AHSP: variants seen among roughly 807,000 people sequenced by gnomAD.
The protein encoded by AHSP is alpha-hemoglobin-stabilizing protein.
Under a neutral mutation model 2.7 loss-of-function variants are expected in AHSP, and 5 were observed. That is an observed-to-expected ratio of 1.86 (90% CI 0.97 to 3.92). The LOEUF is 3.92. Among genes scored for constraint, AHSP ranks in the 30% most tolerant of loss-of-function variants. The pLI is 0.00. For missense variants in AHSP, 134 were observed against 119.8 expected (o/e 1.12, Z -0.55); for synonymous variants, 50 against 48.4 (o/e 1.03, Z -0.14).
At position 31,528,698 on chromosome 16, in the gene AHSP, G is replaced by A; in HGVS notation, c.*7G>A. The stretch of plus-strand genomic sequence containing the variant: ...CCCACCGCCCTCCTCCTAGCTCAGG[G>A]ACCCAGCCCCTCCTCTCTGAGAAAC... On this transcript the variant is annotated 3_prime_UTR_variant, in exon 3 of 3. Coordinates refer to ENST00000302312, the MANE Select transcript of AHSP (RefSeq NM_016633.4). The A allele has an allele frequency of 6.2e-7, 1 of 1,609,204 alleles. No individual in the cohort carries two copies. Among genetic ancestry groups the A allele is most frequent in the Non-Finnish European group, 8.5e-7 (1 of 1,178,848 alleles).
Position 31,528,802 on chromosome 16 carries a change from G to T in AHSP, c.*111G>T, listed in dbSNP as rs2082745857. On this transcript the variant is annotated 3_prime_UTR_variant, in exon 3 of 3. Coordinates refer to ENST00000302312, the MANE Select transcript of AHSP (RefSeq NM_016633.4). ...ATAAAGACCAGTGCTGGTTTTGTTG[G>T]ACTTCCTGGCTTCTCTTTCATGGTC... 1 of 1,022,588 alleles carries T rather than the reference G, an allele frequency of 9.8e-7. No individual in the cohort carries two copies. The highest frequency in any genetic ancestry group is 1.4e-5 in the South Asian group (1 of 72,738). 63.3% of individuals were successfully genotyped at this position (1,022,588 alleles called of 1,614,324 possible).
chr16:31,528,453 C>A lies in AHSP; in HGVS notation c.76-5C>A, dbSNP rs202017934. 153 of 1,613,708 alleles carry A rather than the reference C, an allele frequency of 9.5e-5. No homozygotes were observed. The African/African-American group carries it at 1.7e-3, about 18-fold the overall frequency. ...CTTGCCAACTGCCTCTCCGCAACCC[C>A]CCAGGTCTTCAATGATCCTCTCGTC... On this transcript the variant is annotated splice_region_variant and splice_polypyrimidine_tract_variant and intron_variant, in intron 2 of 2. Coordinates refer to ENST00000302312, the MANE Select transcript of AHSP (RefSeq NM_016633.4).
rs2082745196 is a variant in AHSP, at chr16:31,528,697, G to C, written c.*6G>C. The C allele has an allele frequency of 6.2e-7, 1 of 1,609,500 alleles. No individual in the cohort carries two copies. The highest frequency in any genetic ancestry group is 1.1e-5 in the South Asian group (1 of 90,616). On this transcript the variant is annotated 3_prime_UTR_variant, in exon 3 of 3. Transcript: ENST00000302312. ...ACCCACCGCCCTCCTCCTAGCTCAG[G>C]GACCCAGCCCCTCCTCTCTGAGAAA...
At position 31,528,594 on chromosome 16, in the gene AHSP, G is replaced by A. The variant is rs775288853; in HGVS notation, c.212G>A (p.Arg71Gln). 3.7e-6 allele frequency: 6 copies of A among 1,613,934 alleles called. No homozygotes were observed. The highest frequency in any genetic ancestry group is 2.7e-5 in the African/African-American group (2 of 74,892). ...QERDKALQELRQELNTLANPF... is the reference protein window; with the variant it reads ...QERDKALQELQQELNTLANPF... ...CGAGACAAGGCTCTGCAGGAGCTTC[G>A]GCAAGAGCTGAACACTCTGGCCAAC... The change falls in exon 3 of 3, where the codon CGG (arginine) becomes CAG (glutamine). Residue 71 changes from arginine (R) to glutamine (Q), a missense_variant. Arg to Gln is a conservative substitution (Grantham distance 43). Transcript: ENST00000302312.
At chr16:31,528,266 C>G in intron 2 of AHSP, 52 bp downstream of exon 2, 1 of 1,546,732 alleles carries the variant, frequency 6.5e-7, no homozygotes, top group Non-Finnish European at 8.9e-7. Flanking sequence ...TGGGGGGTGC[C>G]GGGGAAGTGG....
intron 2 of AHSP, 86 bp from the exon 3 acceptor site, chr16:31,528,372 T>C (rs2082741499): frequency 7.4e-7 from 1 of 1,358,324 alleles, no homozygotes. Context: ...AATGTGAGAG[T>C]TGGTGCTGTG....
At position 31,527,963 on chromosome 16, in the gene AHSP, G is replaced by A. The variant is rs1292094140; in HGVS notation, c.-5+1G>A. 36 of 670,852 alleles carry A rather than the reference G, an allele frequency of 5.4e-5. No homozygotes were observed. Among genetic ancestry groups the A allele is most frequent in the Non-Finnish European group, 9.2e-5 (34 of 368,698 alleles). The allele number at this position is 670,852 out of a possible 1,614,324, so 41.6% of individuals were successfully genotyped here. ...CATATACAGCCTGTTAGACCTGAAG[G>A]TGAGCCCAACCTGGGAAAATCGTGA... On this transcript the variant is annotated splice_donor_variant, in intron 1 of 2. Coordinates refer to ENST00000302312, the MANE Select transcript of AHSP (RefSeq NM_016633.4). LOFTEE classifies it low-confidence loss of function (5UTR_SPLICE).
chr16:31,528,738 C>A lies in AHSP; in HGVS notation c.*47C>A. On this transcript the variant is annotated 3_prime_UTR_variant, in exon 3 of 3. Transcript: ENST00000302312. Reference sequence around the variant, plus strand: ...CTCTGAGAAACTCTGACCTTCATGTCCTTAGGCTGTGCTCCTGCCACTCTA... The same window carrying A: ...CTCTGAGAAACTCTGACCTTCATGTACTTAGGCTGTGCTCCTGCCACTCTA... 1 of 1,526,778 alleles carries A rather than the reference C, an allele frequency of 6.5e-7. No homozygotes were observed. Among genetic ancestry groups the A allele is most frequent in the Non-Finnish European group, 8.9e-7 (1 of 1,122,986 alleles). The allele number at this position is 1,526,778 out of a possible 1,614,324, so 94.6% of individuals were successfully genotyped here.
In AHSP at chr16:31,528,523, C is replaced by A. The variant is rs1289604524; in HGVS notation, c.141C>A (p.Phe47Leu). Residue 47 changes from phenylalanine (F) to leucine (L), a missense_variant, in exon 3 of 3, where the codon TTC (phenylalanine) becomes TTA (leucine). By Grantham distance (22) the Phe-to-Leu change is conservative. Coordinates refer to ENST00000302312, the MANE Select transcript of AHSP (RefSeq NM_016633.4). ...CTGTGGTGGAGGACTGGATGAACTT[C>A]TACATCAACTATTACAGGCAGCAGG... ...MVTVVEDWMN[F>L]YINYYRQQVT... 28 of 1,614,048 alleles carry A rather than the reference C, an allele frequency of 1.7e-5. No individual in the cohort carries two copies. Among genetic ancestry groups the A allele is most frequent in the Non-Finnish European group, 2.3e-5 (27 of 1,180,034 alleles).
rs2082742432 is a variant in AHSP, at chr16:31,528,489, A to G, written c.107A>G (p.Asp36Gly). The G allele has an allele frequency of 6.2e-7, 1 of 1,614,102 alleles. No homozygotes were observed. The highest frequency in any genetic ancestry group is 1.7e-5 in the Admixed American group (1 of 60,004). The change falls in exon 3 of 3, where the codon GAC becomes GGC. Residue 36 changes from aspartate (D) to glycine (G), a missense_variant. Asp to Gly is a moderately conservative substitution (Grantham distance 94). Coordinates refer to ENST00000302312, the MANE Select transcript of AHSP (RefSeq NM_016633.4). The part of the protein sequence containing the change: ...VFNDPLVSEE[D>G]MVTVVEDWMN... ...AATGATCCTCTCGTCTCTGAAGAAG[A>G]CATGGTGACTGTGGTGGAGGACTGG...
At position 31,528,468 on chromosome 16, in the gene AHSP, A is replaced by G; in HGVS notation, c.86A>G (p.Asp29Gly). ...TCCGCAACCCCCCAGGTCTTCAATG[A>G]TCCTCTCGTCTCTGAAGAAGACATG... ...SVLLNQQVFN[D>G]PLVSEEDMVT... is the part of the protein sequence containing the mutation. The change falls in exon 3 of 3, where the codon GAT becomes GGT. Residue 29 changes from aspartate to glycine, a missense_variant. Coordinates refer to ENST00000302312, the MANE Select transcript of AHSP (RefSeq NM_016633.4). 6.2e-7 allele frequency: 1 copy of G among 1,614,086 alleles called. No homozygotes were observed. The highest frequency in any genetic ancestry group is 8.5e-7 in the Non-Finnish European group (1 of 1,179,980).
chr16:31,528,496 G>A lies in AHSP; in HGVS notation c.114G>A (p.Val38=), dbSNP rs989128183. 20 of 1,614,088 alleles carry A rather than the reference G, an allele frequency of 1.2e-5. No individual in the cohort carries two copies. The highest frequency in any genetic ancestry group is 1.0e-4 in the Admixed American group (6 of 60,012). The part of the protein sequence containing the change: ...NDPLVSEEDM[V]TVVEDWMNFY... ...CTCTCGTCTCTGAAGAAGACATGGT[G>A]ACTGTGGTGGAGGACTGGATGAACT... Residue 38 remains valine (V), a synonymous_variant, in exon 3 of 3, where the codon GTG becomes GTA. Coordinates refer to ENST00000302312, the MANE Select transcript of AHSP (RefSeq NM_016633.4).
intron 2 of AHSP, 81 bp downstream of exon 2, chr16:31,528,295 G>A: frequency 1.4e-6 from 2 of 1,412,542 alleles, no homozygotes; most frequent in South Asian, 1.2e-5. Context: ...GATAATTGGA[G>A]CTGGTGAAGT....
intron 2 of AHSP, 45 bp from the exon 3 acceptor site, chr16:31,528,413 C>A: frequency 1.3e-6 from 2 of 1,542,924 alleles, no homozygotes; most frequent in Non-Finnish European, 1.8e-6. Flanking sequence ...AATCCCATTG[C>A]TGACCACATT....
chr16:31,528,493 GGT>G lies in AHSP; in HGVS notation c.113_114del (p.Val38AspfsTer55). 1 of 1,614,178 alleles carries G rather than the reference GGT, an allele frequency of 6.2e-7. No homozygotes were observed. Among genetic ancestry groups the G allele is most frequent in the South Asian group, 1.1e-5 (1 of 91,080 alleles). The part of the protein sequence containing the change: ...NDPLVSEEDM[V>X]TVVEDWMNFY... ...ATCCTCTCGTCTCTGAAGAAGACAT[GGT>G]GACTGTGGTGGAGGACTGGATGAAC... is the stretch of plus-strand genomic sequence containing the variant. On this transcript the variant is annotated frameshift_variant, in exon 3 of 3. Coordinates refer to ENST00000302312, the MANE Select transcript of AHSP (RefSeq NM_016633.4). LOFTEE classifies it low-confidence loss of function (END_TRUNC).
chr16:31,528,609 C>T lies in AHSP; in HGVS notation c.227C>T (p.Thr76Ile). 8.7e-6 allele frequency: 14 copies of T among 1,614,100 alleles called. No homozygotes were observed. The highest frequency in any genetic ancestry group is 1.1e-5 in the Non-Finnish European group (13 of 1,180,010). The change falls in exon 3 of 3, where the codon ACT (threonine) becomes ATT (isoleucine). Residue 76 changes from threonine (T) to isoleucine (I), a missense_variant. Transcript: ENST00000302312. ...CAGGAGCTTCGGCAAGAGCTGAACA[C>T]TCTGGCCAACCCTTTCCTGGCCAAG... ...ALQELRQELN[T>I]LANPFLAKYR...
rs755816446 is a variant in AHSP, at chr16:31,528,460, C to T, written c.78C>T (p.Val26=). 2.5e-6 allele frequency: 4 copies of T among 1,614,120 alleles called. No individual in the cohort carries two copies. Among genetic ancestry groups the T allele is most frequent in the Non-Finnish European group, 3.4e-6 (4 of 1,179,976 alleles). The part of the protein sequence containing the change: ...KEFSVLLNQQ[V]FNDPLVSEED... ...ACTGCCTCTCCGCAACCCCCCAGGT[C>T]TTCAATGATCCTCTCGTCTCTGAAG... Residue 26 remains valine (V), a splice_region_variant and synonymous_variant, in exon 3 of 3, where the codon GTC becomes GTT. Coordinates refer to ENST00000302312, the MANE Select transcript of AHSP (RefSeq NM_016633.4).
At position 31,528,527 on chromosome 16, in the gene AHSP, A is replaced by G; in HGVS notation, c.145A>G (p.Ile49Val). Reference sequence around the variant, plus strand: ...GGTGGAGGACTGGATGAACTTCTACATCAACTATTACAGGCAGCAGGTGAC... The same window carrying G: ...GGTGGAGGACTGGATGAACTTCTACGTCAACTATTACAGGCAGCAGGTGAC... ...TVVEDWMNFY[I>V]NYYRQQVTGE... Residue 49 changes from isoleucine (I) to valine (V), a missense_variant, in exon 3 of 3, where the codon ATC becomes GTC. Transcript: ENST00000302312. The G allele has an allele frequency of 6.2e-7, 1 of 1,614,172 alleles. No homozygotes were observed. The highest frequency in any genetic ancestry group is 1.1e-5 in the South Asian group (1 of 91,084).
At chr16:31,528,255 C>G in intron 2 of AHSP, 41 bp downstream of exon 2, 2 of 1,576,380 alleles carry the variant, frequency 1.3e-6, no homozygotes, top group Non-Finnish European at 8.7e-7. Flanking sequence ...GGCCTGGAGA[C>G]TGGGGGGTGC....
Sources: gnomAD v4.1 joint callset for allele counts on GRCh38, gnomAD v4.1.1 for gene constraint, MANE v1.5 for transcripts, NCBI Gene and HGNC (gene_info 2026-07-23, HGNC 2026-07-21) for gene names.